MOBP: variants seen among roughly 807,000 people sequenced by gnomAD.
MOBP encodes the protein myelin associated oligodendrocyte basic protein.
A neutral mutation model predicts 15.0 loss-of-function variants in MOBP; 5 were observed. That is an observed-to-expected ratio of 0.33 (90% CI 0.17 to 0.70). The LOEUF (loss-of-function observed/expected upper bound fraction) is 0.70, where lower values mean the gene tolerates loss of function less well. Ranked by LOEUF, MOBP falls within the 30% of genes least tolerant of loss-of-function variation. MOBP has a pLI of 0.67. For missense variants in MOBP, 188 were observed against 257.8 expected (o/e 0.73, Z 1.85); for synonymous variants, 88 against 99.0 (o/e 0.89, Z 0.66).
downstream of MOBP, among the ~76,000 whole-genome samples, chr3:39,507,639 A>G (rs888038623): frequency 6.6e-6 from 1 of 152,198 alleles, no homozygotes; most frequent in Non-Finnish European, 1.5e-5. Flanking sequence ...GGCAGTAGTT[A>G]GGGCTGGCTG....
At chr3:39,519,925 C>A (rs771064002), downstream of MOBP, among the ~76,000 whole-genome samples, 1 of 151,250 alleles carries the variant, frequency 6.6e-6, no homozygotes, top group African/African-American at 2.4e-5. Flanking sequence ...TCTCTTTCTT[C>A]ACCTCAATGC....
intron 2 of MOBP, among the ~76,000 whole-genome samples, chr3:39,497,681 A>G (rs1298816960): frequency 1.3e-5 from 2 of 152,254 alleles, no homozygotes; most frequent in African/African-American, 2.4e-5. Context: ...CAAAACAACT[A>G]TACACAATGG....
At chr3:39,483,807 A>G (rs76385711) in intron 2 of MOBP, among the ~76,000 whole-genome samples, 3,645 of 152,302 alleles carry the variant, frequency 0.024, 147 homozygotes, top group African/African-American at 0.078. Context: ...GTACACTTTG[A>G]AATTATAATG....
At chr3:39,476,881 T>A (rs1242877511) in intron 1 of MOBP, among the ~76,000 whole-genome samples, 1 of 152,118 alleles carries the variant, frequency 6.6e-6, no homozygotes, top group South Asian at 2.1e-4. Flanking sequence ...TCTGCTTCCA[T>A]TGACCATTAA....
At chr3:39,520,897 A>G (rs2043258674), downstream of MOBP, among the ~76,000 whole-genome samples, 1 of 152,020 alleles carries the variant, frequency 6.6e-6, no homozygotes, top group African/African-American at 2.4e-5. Flanking sequence ...TAGTGTACAT[A>G]TCTCACCCAA....
downstream of MOBP, among the ~76,000 whole-genome samples, chr3:39,520,448 G>A (rs1575324945): frequency 6.6e-6 from 1 of 151,978 alleles, no homozygotes; most frequent in African/African-American, 2.4e-5. Context: ...TTTCTTTTTG[G>A]TGAGCTCTTG....
At chr3:39,469,379 G>GAATTAATTAAAATTTATTTTAATTGT (rs2042434740) in intron 1 of MOBP, among the ~76,000 whole-genome samples, 1 of 89,790 alleles carries the variant, frequency 1.1e-5, no homozygotes, top group Non-Finnish European at 2.2e-5. Context: ...ATTTTAATTG[G>GAATTAATTAAAATTTATTTTAATTGT]AATTAATTAA....
intron 2 of MOBP, among the ~76,000 whole-genome samples, chr3:39,494,736 T>C (rs977405110): frequency 6.6e-6 from 1 of 151,830 alleles, no homozygotes; most frequent in Non-Finnish European, 1.5e-5. Context: ...GTTATTTACA[T>C]TAGTTACAAT....
At chr3:39,491,001 A>G (rs1181182859) in intron 2 of MOBP, among the ~76,000 whole-genome samples, 1 of 152,186 alleles carries the variant, frequency 6.6e-6, no homozygotes, top group Non-Finnish European at 1.5e-5. Flanking sequence ...TATTTGCTCA[A>G]GTCTTTTCTA....
chr3:39,502,933 T>A lies in MOBP; in HGVS notation c.*53T>A. The stretch of plus-strand genomic sequence containing the variant: ...CCCTAAGGTTAGTAGTTGCTTCCTG[T>A]GTTTACTAACACCGGGCTGTCTCCA... On this transcript the variant is annotated 3_prime_UTR_variant, in exon 4 of 4. Coordinates refer to ENST00000684792, the MANE Select transcript of MOBP (RefSeq NM_001393704.1). The surrounding 1 kb of genome is among the most constrained non-coding windows in gnomAD (Gnocchi z 6.3). 1.2e-6 allele frequency: 1 copy of A among 824,788 alleles called. No homozygotes were observed. Among genetic ancestry groups the A allele is most frequent in the Non-Finnish European group, 1.9e-6 (1 of 539,042 alleles). 51.1% of individuals were successfully genotyped at this position (824,788 alleles called of 1,614,324 possible).
At chr3:39,525,583 G>C (rs553594311), downstream of MOBP, 2 of 152,260 alleles carry the variant, frequency 1.3e-5, no homozygotes, top group African/African-American at 4.8e-5. Flanking sequence ...CAAGGCCATG[G>C]CTCTGTGTCC....
At chr3:39,504,048 C>A (rs1284007412), downstream of MOBP, among the ~76,000 whole-genome samples, 2 of 152,068 alleles carry the variant, frequency 1.3e-5, no homozygotes, top group Admixed American at 6.5e-5. Flanking sequence ...AATGAATAAT[C>A]CAGATTATTT....
At chr3:39,489,368 T>C (rs190547265) in intron 2 of MOBP, among the ~76,000 whole-genome samples, 36 of 152,336 alleles carry the variant, frequency 2.4e-4, no homozygotes, top group African/African-American at 8.2e-4. Flanking sequence ...CCCTAAGCTC[T>C]GTGAGCATAG....
At chr3:39,505,712 C>T (rs1381827346), downstream of MOBP, among the ~76,000 whole-genome samples, 2 of 152,212 alleles carry the variant, frequency 1.3e-5, no homozygotes, top group Non-Finnish European at 2.9e-5. Context: ...GTCCAGACCA[C>T]ATGGTTAACT....
chr3:39,525,972 A>C (rs17039169), downstream of MOBP: 1 of 152,246 alleles, frequency 6.6e-6, no homozygotes, highest in East Asian at 1.9e-4. Context: ...AACCTCTACT[A>C]TGAAGTGTTT....
At chr3:39,484,790 A>G (rs2042677910) in intron 2 of MOBP, among the ~76,000 whole-genome samples, 1 of 152,216 alleles carries the variant, frequency 6.6e-6, no homozygotes, top group Admixed American at 6.5e-5. Context: ...CGTAGGTCAC[A>G]CCCTTTCCTT....
At chr3:39,473,606 G>C (rs528308841) in intron 1 of MOBP, among the ~76,000 whole-genome samples, 2 of 152,296 alleles carry the variant, frequency 1.3e-5, no homozygotes, top group East Asian at 3.9e-4. Context: ...GGAGGTAGTT[G>C]GTGAATTTGG....
intron 2 of MOBP, among the ~76,000 whole-genome samples, chr3:39,491,287 C>T (rs919711942): frequency 2.3e-4 from 35 of 152,222 alleles, no homozygotes; most frequent in African/African-American, 7.0e-4. Flanking sequence ...TTAATCTCAC[C>T]GGTCACTCAT....
rs942623138 is a variant in MOBP, at chr3:39,472,946, GA to G, written c.-89+5215del. On this transcript the variant is annotated intron_variant, in intron 1 of 3. Coordinates refer to ENST00000684792, the MANE Select transcript of MOBP (RefSeq NM_001393704.1). ...AGACTGGGACTCTTGTCTCAAAAAG[GA>G]AAAAAAAATAATTGGGGGCCAGGAC... 3.0e-3 allele frequency among the ~76,000 whole-genome samples: 450 copies of G among 150,928 alleles called. 1 individual carries two copies. The highest frequency in any genetic ancestry group is 5.1e-3 in the Admixed American group (78 of 15,156).
Sources: allele counts gnomAD v4.1 joint callset (sites outside exome capture counted in the v4.1 genomes callset), GRCh38; gene constraint gnomAD v4.1.1; non-coding constraint Gnocchi (gnomAD v3.1); transcripts MANE v1.5; gene names NCBI Gene and HGNC (gene_info 2026-07-23, HGNC 2026-07-21).